Variants in RABGEF1 observed in about 807,000 individuals in gnomAD.
The protein encoded by RABGEF1 is RAB guanine nucleotide exchange factor 1, also known as rab5 GDP/GTP exchange factor.
Under a neutral mutation model 57.3 loss-of-function variants are expected in RABGEF1, and 26 were observed. That is an observed-to-expected ratio of 0.45 (90% CI 0.33 to 0.63). RABGEF1 has a LOEUF of 0.63. Among genes scored for constraint, RABGEF1 ranks in the 20% least tolerant of loss-of-function variants. RABGEF1 has a pLI of 0.02. For missense variants in RABGEF1, 464 were observed against 607.6 expected, an observed-to-expected ratio of 0.76 and a Z score of 2.48; for synonymous variants, 185 against 210.7, an observed-to-expected ratio of 0.88 and a Z score of 1.06.
At chr7:66,794,785 A>G (rs184841722) in intron 4 of RABGEF1, among the ~76,000 whole-genome samples, 16 of 152,328 alleles carry the variant, frequency 1.1e-4, no homozygotes, top group Non-Finnish European at 2.1e-4. Context: ...TTATACCTAC[A>G]GTGCACAACA....
chr7:66,763,186 A>G (rs1209956006), intron 1 of RABGEF1, among the ~76,000 whole-genome samples: 1 of 152,018 alleles, frequency 6.6e-6, no homozygotes, highest in Admixed American at 6.6e-5. Flanking sequence ...TATTATCTGA[A>G]AGTTCTGTAG....
intron 6 of RABGEF1, 30 bp downstream of exon 6, chr7:66,797,536 TTAC>T: frequency 6.3e-7 from 1 of 1,596,936 alleles, no homozygotes; most frequent in Admixed American, 1.8e-5. Context: ...TGCTTTGTAG[TTAC>T]TACCTTCTAA....
chr7:66,739,201 C>T (rs1455092915), upstream of RABGEF1, among the ~76,000 whole-genome samples: 3 of 151,894 alleles, frequency 2.0e-5, no homozygotes, highest in African/African-American at 4.8e-5. Flanking sequence ...CTGCCCGCCT[C>T]GGCTTCCCAA....
At chr7:66,698,513 G>T (rs1274616761) in intron 1 of RABGEF1, among the ~76,000 whole-genome samples, 1 of 152,226 alleles carries the variant, frequency 6.6e-6, no homozygotes, top group Non-Finnish European at 1.5e-5. Context: ...TGGAGCAGGA[G>T]CCCGGGTCTG....
At chr7:66,668,057 C>A in the RABGEF1 span, among the ~76,000 whole-genome samples, 1 of 152,090 alleles carries the variant, frequency 6.6e-6, no homozygotes, top group African/African-American at 2.4e-5. Context: ...CTTGGCCTCC[C>A]AAATTGCTAG....
chr7:66,743,772 A>G (rs1242180359), intron 1 of RABGEF1, among the ~76,000 whole-genome samples: 1 of 152,098 alleles, frequency 6.6e-6, no homozygotes, highest in African/African-American at 2.4e-5. Context: ...AAGTGCTGGG[A>G]TTACAGGTGT....
chr7:66,747,948 AAAT>A (rs1282187488), intron 1 of RABGEF1, among the ~76,000 whole-genome samples: 1 of 152,206 alleles, frequency 6.6e-6, no homozygotes, highest in African/African-American at 2.4e-5. Flanking sequence ...GACTGAGGGA[AAAT>A]TAAGATGGAA....
rs1554321420 is a variant in RABGEF1 at position 66,804,755 on chromosome 7, AAG to A, written c.821-384_821-383del. 6.6e-5 allele frequency among the ~76,000 whole-genome samples: 10 copies of A among 151,860 alleles called. No individual in the cohort carries two copies. The East Asian group carries it at 7.8e-4, about 12-fold the overall frequency. On this transcript the variant is annotated intron_variant, in intron 7 of 8. Coordinates refer to ENST00000284957, the MANE Select transcript of RABGEF1 (RefSeq NM_014504.3). ...CTCAGTCTGAAAAAAAAAAAAAAAA[AAG>A]TGTGGGCTTTACAGTCAGGTAGACA...
chr7:66,665,668 T>G, the RABGEF1 span, among the ~76,000 whole-genome samples: 2 of 152,174 alleles, frequency 1.3e-5, no homozygotes, highest in Non-Finnish European at 2.9e-5. Context: ...TCGTAGGACT[T>G]CGGCAAATGT....
chr7:66,664,901 C>T, the RABGEF1 span, among the ~76,000 whole-genome samples: 1 of 152,358 alleles, frequency 6.6e-6, no homozygotes, highest in East Asian at 1.9e-4. Flanking sequence ...CTCTGCGATC[C>T]AGACCCTGCC....
chr7:66,732,778 G>A (rs548032799), intron 2 of RABGEF1, among the ~76,000 whole-genome samples: 7 of 151,118 alleles, frequency 4.6e-5, no homozygotes, highest in East Asian at 1.9e-4. Context: ...TTTCTCACTC[G>A]CTCTCTCTTG....
chr7:66,694,231 A>C (rs1791985455), intron 1 of RABGEF1, among the ~76,000 whole-genome samples: 1 of 152,250 alleles, frequency 6.6e-6, no homozygotes, highest in African/African-American at 2.4e-5. Flanking sequence ...CAGCGGTGGC[A>C]TCTGGCATGG....
At chr7:66,732,794 TCTCTCGCTTTTG>T (rs1379080090) in intron 2 of RABGEF1, among the ~76,000 whole-genome samples, 2 of 152,156 alleles carry the variant, frequency 1.3e-5, no homozygotes, top group Non-Finnish European at 2.9e-5. Context: ...TCTTGCTGTC[TCTCTCGCTTTTG>T]CTCTCGCTCT....
In RABGEF1 at chr7:66,753,234, T is replaced by A. The variant is rs113251619; in HGVS notation, c.-18+12442T>A. Among the ~76,000 whole-genome samples the A allele has an allele frequency of 2.8e-3, 430 of 152,224 alleles. 1 individual carries two copies. The highest frequency in any genetic ancestry group is 1.0e-2 in the African/African-American group (414 of 41,544). ...GACCATGTAACTTATTATCCACAGG[T>A]GGTCACTTTTGAGAATCAAAGGGGG... On this transcript the variant is annotated intron_variant, in intron 1 of 8. Transcript: ENST00000284957.
intron 3 of RABGEF1, among the ~76,000 whole-genome samples, chr7:66,783,111 A>G (rs1484175623): frequency 6.6e-6 from 1 of 152,220 alleles, no homozygotes; most frequent in Non-Finnish European, 1.5e-5. Flanking sequence ...TGTGTTTATC[A>G]TGCTATTAAT....
the RABGEF1 span, among the ~76,000 whole-genome samples, chr7:66,674,192 C>CTTTTTTTTTTTTTTTTTTTTTTTTT: frequency 7.2e-6 from 1 of 139,330 alleles, no homozygotes. Flanking sequence ...CCACTAAAGG[C>CTTTTTTTTTTTTTTTTTTTTTTTTT]TTTTTTTTTT....
intron 2 of RABGEF1, among the ~76,000 whole-genome samples, chr7:66,773,087 T>G (rs551951734): frequency 7.3e-5 from 11 of 151,322 alleles, no homozygotes; most frequent in South Asian, 2.1e-4. Flanking sequence ...TTGTTTGTTT[T>G]TTTTTTTTCA....
At chr7:66,757,424 A>G (rs956266715) in intron 1 of RABGEF1, among the ~76,000 whole-genome samples, 56 of 152,306 alleles carry the variant, frequency 3.7e-4, no homozygotes, top group Non-Finnish European at 6.5e-4. Context: ...GGCCTTTCAG[A>G]TACATAGTCA....
At chr7:66,706,478 C>T (rs960625186) in intron 1 of RABGEF1, among the ~76,000 whole-genome samples, 3 of 152,062 alleles carry the variant, frequency 2.0e-5, no homozygotes, top group Admixed American at 6.5e-5. Context: ...GGTGTGATCT[C>T]TGCTTACTGC....
Sources: gnomAD v4.1 joint callset for allele counts (sites outside exome capture counted in the v4.1 genomes callset) on GRCh38, gnomAD v4.1.1 for gene constraint, MANE v1.5 for transcripts, NCBI Gene and HGNC (gene_info 2026-07-23, HGNC 2026-07-21) for gene names.